The following ANKFN1 variants were observed in gnomAD, a reference collection of about 807,000 sequenced individuals.
ANKFN1 encodes the protein ankyrin repeat and fibronectin type-III domain-containing protein 1.
ANKFN1 carries 74 observed loss-of-function variants against 108.7 expected under a neutral mutation model. That is an observed-to-expected ratio of 0.68 (90% CI 0.56 to 0.83). The LOEUF (loss-of-function observed/expected upper bound fraction) is 0.83. Among genes scored for constraint, ANKFN1 ranks in the 40% least tolerant of loss-of-function variants. The pLI, the probability that ANKFN1 is intolerant of heterozygous loss-of-function variation, is 0.00. For missense variants in ANKFN1, 1,505 were observed against 1,382.3 expected (o/e 1.09, Z -1.41); for synonymous variants, 547 against 516.2 (o/e 1.06, Z -0.81).
intron 5 of ANKFN1, among the ~76,000 whole-genome samples, chr17:56,351,787 C>T (rs1414288677): frequency 6.6e-6 from 1 of 152,078 alleles, no homozygotes; most frequent in Non-Finnish European, 1.5e-5. Context: ...TCAGAACAGC[C>T]CTCAGTAAAA....
chr17:56,372,872 C>T (rs746883633), intron 7 of ANKFN1, 32 bp downstream of exon 7: 1 of 1,581,664 alleles, frequency 6.3e-7, no homozygotes, highest in South Asian at 1.2e-5. Flanking sequence ...CTACATTTCA[C>T]TAGACTGAGC....
intron 3 of ANKFN1, among the ~76,000 whole-genome samples, chr17:56,298,782 T>G (rs753939178): frequency 6.6e-6 from 1 of 152,266 alleles, no homozygotes; most frequent in Non-Finnish European, 1.5e-5. Context: ...TTTGAATTTA[T>G]CTGTTTTTGG....
At chr17:56,410,782 TTTTCTTGACTATATTATTCC>T (rs771361789) in intron 8 of ANKFN1, among the ~76,000 whole-genome samples, 97 of 152,302 alleles carry the variant, frequency 6.4e-4, no homozygotes, top group Non-Finnish European at 1.2e-3. Context: ...AGAGATTGTC[TTTTCTTGACTATATTATTCC>T]TAGCATCTTT....
intron 4 of ANKFN1, among the ~76,000 whole-genome samples, chr17:56,113,558 C>G (rs974299511): frequency 6.6e-6 from 1 of 152,142 alleles, no homozygotes; most frequent in African/African-American, 2.4e-5. Context: ...GAACCATGGA[C>G]AAGTTACACA....
intron 4 of ANKFN1, among the ~76,000 whole-genome samples, chr17:56,128,579 G>A (rs902579405): frequency 7.2e-5 from 11 of 152,166 alleles, no homozygotes; most frequent in African/African-American, 9.7e-5. Context: ...CCATCTCTGC[G>A]TCACTGGTGA....
At chr17:56,263,127 A>G (rs777492561) in intron 3 of ANKFN1, among the ~76,000 whole-genome samples, 1 of 152,222 alleles carries the variant, frequency 6.6e-6, no homozygotes, top group Non-Finnish European at 1.5e-5. Flanking sequence ...CAGAAACAAG[A>G]CGAACAAGTT....
At chr17:56,248,528 T>C (rs928310078) in intron 3 of ANKFN1, among the ~76,000 whole-genome samples, 5 of 152,218 alleles carry the variant, frequency 3.3e-5, no homozygotes, top group African/African-American at 1.2e-4. Flanking sequence ...ACTTTATACA[T>C]CATTTAATGA....
At chr17:56,052,940 C>A (rs1455402975) in intron 4 of ANKFN1, among the ~76,000 whole-genome samples, 1 of 152,078 alleles carries the variant, frequency 6.6e-6, no homozygotes, top group East Asian at 1.9e-4. Context: ...CCAGAGTCTG[C>A]ATTCTTAATC....
At chr17:56,065,457 G>A (rs1010915088) in intron 4 of ANKFN1, among the ~76,000 whole-genome samples, 6 of 152,072 alleles carry the variant, frequency 3.9e-5, no homozygotes, top group Non-Finnish European at 8.8e-5. Flanking sequence ...TTGCAGCTTG[G>A]CACGAGAACT....
At chr17:56,374,456 G>A (rs551138285) in intron 7 of ANKFN1, 145 bp from the exon 8 acceptor site, 2 of 636,076 alleles carry the variant, frequency 3.1e-6, no homozygotes, top group Non-Finnish European at 5.6e-6. Flanking sequence ...GACGTCTAAT[G>A]AAAATGTTCA....
chr17:56,077,163 G>A (rs889237813), intron 4 of ANKFN1, among the ~76,000 whole-genome samples: 1 of 152,116 alleles, frequency 6.6e-6, no homozygotes, highest in African/African-American at 2.4e-5. Context: ...CCTTATGCTG[G>A]CCTTGGTCCT....
At chr17:56,072,747 A>G (rs994327194) in intron 4 of ANKFN1, among the ~76,000 whole-genome samples, 1 of 152,210 alleles carries the variant, frequency 6.6e-6, no homozygotes, top group Admixed American at 6.5e-5. Context: ...CCTGTAACTG[A>G]GGTGTGTAAG....
chr17:56,333,335 T>C (rs1222594839), intron 4 of ANKFN1, among the ~76,000 whole-genome samples: 1 of 152,148 alleles, frequency 6.6e-6, no homozygotes, highest in Non-Finnish European at 1.5e-5. Flanking sequence ...GAGGTTCCCT[T>C]ACATTCCTGA....
intron 11 of ANKFN1, among the ~76,000 whole-genome samples, chr17:56,455,634 T>C (rs2049663922): frequency 6.6e-6 from 1 of 152,210 alleles, no homozygotes; most frequent in Non-Finnish European, 1.5e-5. Context: ...TTGCATAGAA[T>C]ATGAGAGTTA....
intron 3 of ANKFN1, among the ~76,000 whole-genome samples, chr17:56,272,101 T>C (rs1201712631): frequency 6.6e-6 from 1 of 152,148 alleles, no homozygotes; most frequent in Non-Finnish European, 1.5e-5. Context: ...ACCTGGAAAA[T>C]TAACCAATCC....
At chr17:56,459,779 C>T (rs947279100) in intron 14 of ANKFN1, among the ~76,000 whole-genome samples, 11 of 152,144 alleles carry the variant, frequency 7.2e-5, no homozygotes, top group Non-Finnish European at 1.3e-4. Flanking sequence ...TGCAGTCAGA[C>T]GCTGAGTGAT....
intron 4 of ANKFN1, among the ~76,000 whole-genome samples, chr17:56,330,873 G>A (rs2045644370): frequency 6.6e-6 from 1 of 152,080 alleles, no homozygotes; most frequent in African/African-American, 2.4e-5. Flanking sequence ...TTCAAAAATA[G>A]TGTTCCTCTT....
intron 1 of ANKFN1, among the ~76,000 whole-genome samples, chr17:56,154,071 A>G (rs1363433443): frequency 6.6e-6 from 1 of 151,866 alleles, no homozygotes; most frequent in Non-Finnish European, 1.5e-5. Context: ...GAGCTGAGCC[A>G]GGGCTAGGCA....
intron 4 of ANKFN1, among the ~76,000 whole-genome samples, chr17:56,145,455 G>A (rs1369889044): frequency 6.6e-6 from 1 of 152,172 alleles, no homozygotes; most frequent in African/African-American, 2.4e-5. Context: ...AATCATGGCA[G>A]AAGGCAAAGG....
Sources: allele counts gnomAD v4.1 joint callset (sites outside exome capture counted in the v4.1 genomes callset), GRCh38; gene constraint gnomAD v4.1.1; transcripts MANE v1.5; gene names NCBI Gene and HGNC (gene_info 2026-07-23, HGNC 2026-07-21).